PCDHGB4: variants seen among roughly 807,000 people sequenced by gnomAD.
PCDHGB4 encodes the protein protocadherin gamma subfamily B, 4, also known as protocadherin gamma-B4.
Under a neutral mutation model 60.5 loss-of-function variants are expected in PCDHGB4, and 38 were observed. That is an observed-to-expected ratio of 0.63 (90% CI 0.48 to 0.82). PCDHGB4 has a LOEUF of 0.82. Among genes scored for constraint, PCDHGB4 ranks in the 40% least tolerant of loss-of-function variants. The pLI is 0.00. For synonymous variants in PCDHGB4, 456 were observed against 509.7 expected, an observed-to-expected ratio of 0.89 and a Z score of 1.42; for missense variants, 1,109 against 1,209.6, an observed-to-expected ratio of 0.92 and a Z score of 1.23.
At chr5:141,433,693 C>T (rs772152724) in intron 1 of PCDHGB4, among the ~76,000 whole-genome samples, 2 of 151,986 alleles carry the variant, frequency 1.3e-5, no homozygotes, top group Admixed American at 6.6e-5. Flanking sequence ...CAAAATTAGC[C>T]GGGCGTGGTG....
intron 1 of PCDHGB4, among the ~76,000 whole-genome samples, chr5:141,466,558 C>T (rs1407160827): frequency 6.6e-6 from 1 of 152,120 alleles, no homozygotes; most frequent in Non-Finnish European, 1.5e-5. Flanking sequence ...CTGTGGGCTT[C>T]ATCTTCAACA....
In PCDHGB4 at chr5:141,387,892, G is replaced by C. The variant is rs2091136247; in HGVS notation, c.8G>C (p.Ser3Thr). ...CTGAGGAGAGCAAGAGGGATGGGGA[G>C]CGGCGCCGGGGAGCTGGGCCGGGCT... MG[S>T]GAGELGRAER... Residue 3 changes from serine (S) to threonine (T), a missense_variant, in exon 1 of 4, where the codon AGC (serine) becomes ACC (threonine). By Grantham distance (58) the Ser-to-Thr change is moderately conservative. Coordinates refer to ENST00000519479, the MANE Select transcript of PCDHGB4 (RefSeq NM_003736.4). The C allele has an allele frequency of 6.5e-7, 1 of 1,550,258 alleles. No individual in the cohort carries two copies. The highest frequency in any genetic ancestry group is 1.4e-5 in the African/African-American group (1 of 72,594).
intron 1 of PCDHGB4, chr5:141,419,158 C>G (rs757849297): frequency 6.2e-7 from 1 of 1,613,950 alleles, no homozygotes; most frequent in South Asian, 1.1e-5. Context: ...CTCCGTTATC[C>G]TCCAGCAAAA....
intron 2 of PCDHGB4, among the ~76,000 whole-genome samples, chr5:141,502,337 T>C (rs1562205634): frequency 6.6e-6 from 1 of 152,184 alleles, no homozygotes; most frequent in Admixed American, 6.5e-5. Flanking sequence ...CCCAGTCTTT[T>C]TATTTTTTTA....
chr5:141,407,135 GA>G (rs796659459), intron 1 of PCDHGB4, among the ~76,000 whole-genome samples: 93 of 151,930 alleles, frequency 6.1e-4, no homozygotes, highest in African/African-American at 2.2e-3. Flanking sequence ...TTATTTTTAA[GA>G]AAAAAAAGCT....
In PCDHGB4 at chr5:141,423,512, C is replaced by T. The variant is rs765694240; in HGVS notation, c.2397+33231C>T. 55 of 1,613,552 alleles carry T rather than the reference C, an allele frequency of 3.4e-5. No individual in the cohort carries two copies. The highest frequency in any genetic ancestry group is 2.8e-4 in the African/African-American group (21 of 74,924). On this transcript the variant is annotated intron_variant, in intron 1 of 3. Coordinates refer to ENST00000519479, the MANE Select transcript of PCDHGB4 (RefSeq NM_003736.4). ...TATTCCCACGAGGTCTCTCTCATTGCGGACTCGCAGAAGAGTCACCTGATT... is the reference window on the plus strand; with the variant it reads ...TATTCCCACGAGGTCTCTCTCATTGTGGACTCGCAGAAGAGTCACCTGATT...
intron 1 of PCDHGB4, chr5:141,393,441 C>G: frequency 6.2e-7 from 1 of 1,614,070 alleles, no homozygotes; most frequent in African/African-American, 1.3e-5. Flanking sequence ...TGCTCACCAC[C>G]TGGTCCTCAC....
chr5:141,393,789 G>T (rs889575374), intron 1 of PCDHGB4: 1 of 1,613,958 alleles, frequency 6.2e-7, no homozygotes, highest in African/African-American at 1.3e-5. Context: ...AGATGTGGGG[G>T]CACTTCTGGG....
Position 141,389,315 on chromosome 5 carries a change from G to A in PCDHGB4, c.1431G>A (p.Pro477=), listed in dbSNP as rs1257183989. The A allele has an allele frequency of 1.2e-6, 2 of 1,613,866 alleles. No individual in the cohort carries two copies. Among genetic ancestry groups the A allele is most frequent in the African/African-American group, 1.3e-5 (1 of 74,950 alleles). ...TTTCACAAGTCAGGGCTTCTGATCC[G>A]GACTTGGGGCCCAACGGCCAAGTCT... ...ASISQVRASD[P]DLGPNGQVSY... Residue 477 remains proline, a synonymous_variant, in exon 1 of 4, where the codon CCG becomes CCA. Transcript: ENST00000519479.
chr5:141,464,913 A>AT (rs1366203949), intron 1 of PCDHGB4, among the ~76,000 whole-genome samples: 2 of 151,546 alleles, frequency 1.3e-5, no homozygotes, highest in South Asian at 4.2e-4. Flanking sequence ...TAATTTTTTT[A>AT]TTTTTTTGTA....
At chr5:141,409,388 T>C in intron 1 of PCDHGB4, 1 of 1,614,018 alleles carries the variant, frequency 6.2e-7, no homozygotes, top group Non-Finnish European at 8.5e-7. Flanking sequence ...CAAGATTTAT[T>C]CTTCTTCCAA....
chr5:141,406,553 C>T (rs990498102), intron 1 of PCDHGB4, among the ~76,000 whole-genome samples: 1 of 152,150 alleles, frequency 6.6e-6, no homozygotes, highest in African/African-American at 2.4e-5. Flanking sequence ...CTTCAGTTAT[C>T]CACTTCCAAA....
At chr5:141,495,771 C>T (rs941051365) in intron 2 of PCDHGB4, among the ~76,000 whole-genome samples, 1 of 152,110 alleles carries the variant, frequency 6.6e-6, no homozygotes, top group Non-Finnish European at 1.5e-5. Flanking sequence ...TGTCCTTGTC[C>T]TGGACCTCTT....
intron 1 of PCDHGB4, among the ~76,000 whole-genome samples, chr5:141,473,017 AGAAG>A (rs1484773075): frequency 7.0e-4 from 107 of 151,874 alleles, no homozygotes; most frequent in Middle Eastern, 3.4e-3. Flanking sequence ...AGAAAAAGAA[AGAAG>A]GAAGGAAGGA....
At chr5:141,478,444 T>C (rs1190996745) in intron 1 of PCDHGB4, 1 of 1,613,478 alleles carries the variant, frequency 6.2e-7, no homozygotes, top group Non-Finnish European at 8.5e-7. Flanking sequence ...TGAAGAAACC[T>C]GGTGCAGCCA....
intron 1 of PCDHGB4, chr5:141,397,930 G>C (rs898785209): frequency 5.2e-6 from 4 of 775,998 alleles, no homozygotes; most frequent in Non-Finnish European, 8.1e-6. Flanking sequence ...TCGCGCAGCC[G>C]CAGCGCGCTT....
At chr5:141,453,240 A>G (rs1470706774) in intron 1 of PCDHGB4, among the ~76,000 whole-genome samples, 1 of 152,020 alleles carries the variant, frequency 6.6e-6, no homozygotes, top group African/African-American at 2.4e-5. Context: ...CAGCCTCCCA[A>G]ATAGCTGGGG....
At chr5:141,420,024 C>T (rs2096459407) in intron 1 of PCDHGB4, 1 of 1,614,088 alleles carries the variant, frequency 6.2e-7, no homozygotes, top group Non-Finnish European at 8.5e-7. Context: ...TTCAGCCCTA[C>T]TGCAGGAGAC....
Position 141,389,177 on chromosome 5 carries a change from C to G in PCDHGB4, c.1293C>G (p.Ser431=). The change falls in exon 1 of 4, where the codon TCC becomes TCG. Residue 431 remains serine (S), a synonymous_variant. Coordinates refer to ENST00000519479, the MANE Select transcript of PCDHGB4 (RefSeq NM_003736.4). ...TATDRGKPPL[S]SSSSITLHIG... ...CAGATCGGGGCAAGCCTCCCCTCTC[C>G]TCCAGTTCCAGCATCACCCTGCACA... is the stretch of plus-strand genomic sequence containing the variant. 2 of 1,614,052 alleles carry G rather than the reference C, an allele frequency of 1.2e-6. No homozygotes were observed. The highest frequency in any genetic ancestry group is 1.7e-6 in the Non-Finnish European group (2 of 1,179,904).
Sources: gnomAD v4.1 joint callset for allele counts (sites outside exome capture counted in the v4.1 genomes callset) on GRCh38, gnomAD v4.1.1 for gene constraint, MANE v1.5 for transcripts, NCBI Gene and HGNC (gene_info 2026-07-23, HGNC 2026-07-21) for gene names.